The following SLC39A14 variants were observed in gnomAD, a reference collection of about 807,000 sequenced individuals.
The protein encoded by SLC39A14 is solute carrier family 39 member 14, also known as metal cation symporter ZIP14.
Under a neutral mutation model 45.5 loss-of-function variants are expected in SLC39A14, and 19 were observed. That is an observed-to-expected ratio of 0.42 (90% CI 0.29 to 0.61). The LOEUF (loss-of-function observed/expected upper bound fraction) is 0.61. SLC39A14 is among the 20% of genes least tolerant of loss of function. The pLI, the probability that SLC39A14 is intolerant of heterozygous loss-of-function variation, is 0.22. For missense variants in SLC39A14, 447 were observed against 616.5 expected (o/e 0.73, Z 2.91); for synonymous variants, 264 against 251.3 (o/e 1.05, Z -0.48).
intron 1 of SLC39A14, among the ~76,000 whole-genome samples, chr8:22,379,943 A>AAG (rs1554512090): frequency 2.2e-5 from 3 of 137,454 alleles, no homozygotes; most frequent in African/African-American, 5.5e-5. Context: ...AAAAAAAAAA[A>AAG]AAAAGAAAAG....
At chr8:22,405,108 T>C (rs1013041098) in intron 2 of SLC39A14, 128 bp downstream of exon 2, 2 of 789,692 alleles carry the variant, frequency 2.5e-6, no homozygotes, top group Non-Finnish European at 4.0e-6. Flanking sequence ...CAAGTCTCGA[T>C]GATAGAGTGG....
intron 1 of SLC39A14, among the ~76,000 whole-genome samples, chr8:22,401,475 A>G (rs949244641): frequency 6.6e-6 from 1 of 151,386 alleles, no homozygotes. Flanking sequence ...AAAAATCGTC[A>G]TCAATCTTAC....
At chr8:22,430,042 A>T (rs996617252) in intron 8 of SLC39A14, among the ~76,000 whole-genome samples, 1 of 152,240 alleles carries the variant, frequency 6.6e-6, no homozygotes, top group Non-Finnish European at 1.5e-5. Context: ...AAACAAGGCC[A>T]GTCTGTCTGG....
intron 4 of SLC39A14, among the ~76,000 whole-genome samples, chr8:22,413,667 T>G: frequency 6.6e-6 from 1 of 152,148 alleles, no homozygotes; most frequent in South Asian, 2.1e-4. Context: ...TGAAGTTTAT[T>G]CAAGGCCCGT....
chr8:22,433,620 T>C (rs1024498530), intron 8 of SLC39A14, among the ~76,000 whole-genome samples: 2 of 148,450 alleles, frequency 1.3e-5, no homozygotes, highest in Non-Finnish European at 3.0e-5. Flanking sequence ...CTTGGCTCAC[T>C]GCAGCCTTAA....
chr8:22,379,070 C>T (rs1374727275), intron 1 of SLC39A14, among the ~76,000 whole-genome samples: 1 of 152,184 alleles, frequency 6.6e-6, no homozygotes, highest in Non-Finnish European at 1.5e-5. Context: ...TTTGGTGGCT[C>T]CTGGCATTCC....
chr8:22,417,554 T>G, intron 7 of SLC39A14, 97 bp from the exon 8 acceptor site: 7 of 1,037,724 alleles, frequency 6.7e-6, no homozygotes, highest in Non-Finnish European at 1.0e-5. Flanking sequence ...TCCTCCCAGC[T>G]GAGCCTCCTG....
intron 8 of SLC39A14, among the ~76,000 whole-genome samples, chr8:22,433,092 C>T (rs1447902506): frequency 6.6e-6 from 1 of 152,030 alleles, no homozygotes; most frequent in Non-Finnish European, 1.5e-5. Context: ...TCATGAGCCT[C>T]TGCACCTGGC....
intron 1 of SLC39A14, among the ~76,000 whole-genome samples, chr8:22,381,492 G>T (rs750801462): frequency 6.6e-6 from 1 of 151,464 alleles, no homozygotes; most frequent in Non-Finnish European, 1.5e-5. Flanking sequence ...GGATGGTCTC[G>T]ATCTCCTGAC....
At chr8:22,405,043 T>G in intron 2 of SLC39A14, 63 bp downstream of exon 2, 2 of 1,537,300 alleles carry the variant, frequency 1.3e-6, no homozygotes, top group Non-Finnish European at 8.9e-7. Flanking sequence ...CAGGGTTCCC[T>G]GTCTAGTTGG....
chr8:22,399,417 T>G (rs1834720089), intron 1 of SLC39A14, among the ~76,000 whole-genome samples: 1 of 152,246 alleles, frequency 6.6e-6, no homozygotes, highest in Non-Finnish European at 1.5e-5. Flanking sequence ...CGGGGTCACT[T>G]GGACTTAAGT....
rs868356337 is a variant in SLC39A14 at position 22,419,969 on chromosome 8, A to G, written c.*271A>G. ...CTGGAACCTGAATGCAGCTTACAAG[A>G]CAAGCCTGACTTTTTTCTCTGATTA... On this transcript the variant is annotated 3_prime_UTR_variant, in exon 9 of 9. Transcript: ENST00000381237. 7.3e-5 allele frequency: 84 copies of G among 1,151,252 alleles called. 2 individuals carry two copies. The South Asian group carries it at 3.2e-3, about 45-fold the overall frequency. The allele number at this position is 1,151,252 out of a possible 1,614,324, so 71.3% of individuals were successfully genotyped here.
At chr8:22,375,273 T>G (rs1833153615) in intron 1 of SLC39A14, among the ~76,000 whole-genome samples, 1 of 139,786 alleles carries the variant, frequency 7.2e-6, no homozygotes. Context: ...CGACTTTATT[T>G]CCTTCTGATT....
Position 22,422,454 on chromosome 8 carries a change from A to G in SLC39A14, c.*2756A>G. On this transcript the variant is annotated 3_prime_UTR_variant, in exon 9 of 9. Coordinates refer to ENST00000381237, the MANE Select transcript of SLC39A14 (RefSeq NM_001128431.4). ...GTATAGTAAGTCCTCTTCCAAAGAG[A>G]TGGCAATATGCTGGGCATCTACTTT... 1.0e-6 allele frequency: 1 copy of G among 985,874 alleles called. No homozygotes were observed. The highest frequency in any genetic ancestry group is 1.2e-6 in the Non-Finnish European group (1 of 829,942). 61.1% of individuals were successfully genotyped at this position (985,874 alleles called of 1,614,324 possible).
At chr8:22,398,944 G>A (rs1834682791) in intron 1 of SLC39A14, 1 of 158,764 alleles carries the variant, frequency 6.3e-6, no homozygotes, top group African/African-American at 2.4e-5. Flanking sequence ...CACAGAAGGA[G>A]GGCACTAAAA....
At chr8:22,392,095 A>G (rs571777549) in intron 1 of SLC39A14, among the ~76,000 whole-genome samples, 1 of 152,200 alleles carries the variant, frequency 6.6e-6, no homozygotes, top group Non-Finnish European at 1.5e-5. Flanking sequence ...CCTGGGAAAC[A>G]AGGTAATGAG....
intron 8 of SLC39A14, among the ~76,000 whole-genome samples, chr8:22,431,001 TTTTTTTG>T (rs1836458216): frequency 7.0e-6 from 1 of 143,472 alleles, no homozygotes; most frequent in Non-Finnish European, 1.5e-5. Flanking sequence ...CTTTTTTTTT[TTTTTTTG>T]ATGGAGTCTC....
At chr8:22,423,284 C>T (rs576587243), downstream of SLC39A14, among the ~76,000 whole-genome samples, 3 of 152,056 alleles carry the variant, frequency 2.0e-5, no homozygotes, top group East Asian at 1.9e-4. Flanking sequence ...GCTTGGACTA[C>T]AGGCATGTAG....
At chr8:22,397,556 C>A (rs547146332) in intron 1 of SLC39A14, among the ~76,000 whole-genome samples, 1 of 151,178 alleles carries the variant, frequency 6.6e-6, no homozygotes, top group Non-Finnish European at 1.5e-5. Context: ...CCGGCCTGGG[C>A]GAAAGAGCGG....
Sources: gnomAD v4.1 joint callset for allele counts (sites outside exome capture counted in the v4.1 genomes callset) on GRCh38, gnomAD v4.1.1 for gene constraint, MANE v1.5 for transcripts, NCBI Gene and HGNC (gene_info 2026-07-23, HGNC 2026-07-21) for gene names.